The following PSMA1 variants were observed in gnomAD, a reference collection of about 807,000 sequenced individuals.
The protein encoded by PSMA1 is proteasome subunit alpha type-1.
A neutral mutation model predicts 38.4 loss-of-function variants in PSMA1; 3 were observed. That is an observed-to-expected ratio of 0.08 (90% confidence interval 0.04 to 0.20). PSMA1 has a LOEUF of 0.20. Among genes scored for constraint, PSMA1 ranks in the 10% least tolerant of loss-of-function variants. PSMA1 has a pLI of 1.00. For synonymous variants in PSMA1, 101 were observed against 107.1 expected (o/e 0.94, Z 0.35); for missense variants, 227 against 325.3 (o/e 0.70, Z 2.32).
At chr11:14,581,459 A>G (rs1255932604) in intron 2 of PSMA1, among the ~76,000 whole-genome samples, 1 of 152,236 alleles carries the variant, frequency 6.6e-6, no homozygotes, top group Admixed American at 6.5e-5. Flanking sequence ...ATACCAGTAC[A>G]TACTTCATGA....
intron 2 of PSMA1, among the ~76,000 whole-genome samples, chr11:14,526,017 T>G (rs1163654591): frequency 1.3e-5 from 2 of 152,132 alleles, no homozygotes; most frequent in African/African-American, 4.8e-5. Flanking sequence ...GGTATCCCCC[T>G]CCAAAGCTCA....
chr11:14,629,839 T>C (rs1203190583), intron 1 of PSMA1, among the ~76,000 whole-genome samples: 1 of 152,088 alleles, frequency 6.6e-6, no homozygotes, highest in African/African-American at 2.4e-5. Flanking sequence ...CCTCTTTTAT[T>C]TCCTTGAGCA....
chr11:14,529,741 G>A (rs1214660794), intron 2 of PSMA1, among the ~76,000 whole-genome samples: 1 of 152,160 alleles, frequency 6.6e-6, no homozygotes, highest in Non-Finnish European at 1.5e-5. Flanking sequence ...TTACCCTTGG[G>A]TAAATATATT....
chr11:14,560,412 C>T (rs552000196), intron 2 of PSMA1, among the ~76,000 whole-genome samples: 2 of 152,304 alleles, frequency 1.3e-5, no homozygotes, highest in East Asian at 3.9e-4. Flanking sequence ...TTTAGCTTCA[C>T]TCACCCTCAG....
intron 2 of PSMA1, chr11:14,610,792 C>T: frequency 1.6e-6 from 1 of 607,066 alleles, no homozygotes; most frequent in Non-Finnish European, 2.8e-6. Flanking sequence ...ATTTGAGCAT[C>T]TTCTTTCCTT....
intron 2 of PSMA1, among the ~76,000 whole-genome samples, chr11:14,597,423 C>T (rs1158476767): frequency 6.6e-6 from 1 of 152,068 alleles, no homozygotes; most frequent in East Asian, 1.9e-4. Context: ...AATTTCAGAG[C>T]CTGTTATTGG....
At chr11:14,594,055 G>C (rs972970453) in intron 2 of PSMA1, among the ~76,000 whole-genome samples, 1 of 152,210 alleles carries the variant, frequency 6.6e-6, no homozygotes, top group Non-Finnish European at 1.5e-5. Context: ...AGGCACATAG[G>C]AAGAGATGTT....
At chr11:14,641,977 C>G (rs1219120899) in intron 1 of PSMA1, among the ~76,000 whole-genome samples, 1 of 152,170 alleles carries the variant, frequency 6.6e-6, no homozygotes, top group Non-Finnish European at 1.5e-5. Flanking sequence ...TGCTTAATGG[C>G]AGAGTATGAA....
intron 2 of PSMA1, among the ~76,000 whole-genome samples, chr11:14,548,110 T>C (rs1170801225): frequency 1.3e-5 from 2 of 152,196 alleles, no homozygotes; most frequent in Non-Finnish European, 2.9e-5. Flanking sequence ...ATAGCTCTTA[T>C]GTGTTACTGT....
At chr11:14,616,180 A>G (rs1014561081) in intron 1 of PSMA1, among the ~76,000 whole-genome samples, 1 of 150,404 alleles carries the variant, frequency 6.6e-6, no homozygotes, top group African/African-American at 2.4e-5. Flanking sequence ...ACTGTGTAAG[A>G]TTTCTTAAAC....
chr11:14,589,330 T>G (rs964204169), intron 2 of PSMA1, among the ~76,000 whole-genome samples: 1 of 149,326 alleles, frequency 6.7e-6, no homozygotes, highest in African/African-American at 2.5e-5. Flanking sequence ...TTAGGGAAGA[T>G]ATATATATAT....
At chr11:14,509,716 T>G (rs1286827928) in intron 8 of PSMA1, among the ~76,000 whole-genome samples, 1 of 142,588 alleles carries the variant, frequency 7.0e-6, no homozygotes, top group Non-Finnish European at 1.5e-5. Flanking sequence ...ACCGGTTGTT[T>G]TTTTTTTTTT....
chr11:14,625,537 A>T (rs1266859786), intron 1 of PSMA1, among the ~76,000 whole-genome samples: 1 of 152,214 alleles, frequency 6.6e-6, no homozygotes, highest in Non-Finnish European at 1.5e-5. Flanking sequence ...CCCCTGTTTC[A>T]GTACTGAGGC....
At chr11:14,602,231 C>T (rs752650703) in intron 2 of PSMA1, among the ~76,000 whole-genome samples, 35 of 152,180 alleles carry the variant, frequency 2.3e-4, no homozygotes, top group Non-Finnish European at 2.2e-4. Context: ...TGATAGAGAC[C>T]GTTTCCCAGA....
At chr11:14,602,468 G>GA (rs914223284) in intron 2 of PSMA1, among the ~76,000 whole-genome samples, 17 of 149,808 alleles carry the variant, frequency 1.1e-4, no homozygotes, top group South Asian at 8.4e-4. Flanking sequence ...CCAGAGGTAT[G>GA]AAAAAAAAAT....
At chr11:14,592,633 C>T (rs1027355521) in intron 2 of PSMA1, among the ~76,000 whole-genome samples, 12 of 152,182 alleles carry the variant, frequency 7.9e-5, no homozygotes, top group African/African-American at 2.7e-4. Context: ...GATCCGCCCG[C>T]CTGGGCCTCC....
chr11:14,520,409 G>A (rs1851509735), upstream of PSMA1: 2 of 1,612,472 alleles, frequency 1.2e-6, no homozygotes, highest in South Asian at 1.1e-5. Context: ...GTTTGACGGC[G>A]GCGGCGCAGG....
intron 2 of PSMA1, among the ~76,000 whole-genome samples, chr11:14,547,395 G>A (rs1226620672): frequency 6.6e-6 from 1 of 152,132 alleles, no homozygotes; most frequent in Non-Finnish European, 1.5e-5. Flanking sequence ...AATTTTCTGG[G>A]CAGTATACTT....
chr11:14,638,878 C>G (rs563953803), intron 1 of PSMA1, among the ~76,000 whole-genome samples: 19 of 151,354 alleles, frequency 1.3e-4, no homozygotes, highest in African/African-American at 4.4e-4. Context: ...TGAAGAAACT[C>G]CTGCTTGTCT....
Sources: allele counts gnomAD v4.1 joint callset (sites outside exome capture counted in the v4.1 genomes callset), GRCh38; gene constraint gnomAD v4.1.1; transcripts MANE v1.5; gene names NCBI Gene and HGNC (gene_info 2026-07-23, HGNC 2026-07-21).